RGS6: variants seen among roughly 807,000 people sequenced by gnomAD.
RGS6 encodes regulator of G protein signaling 6.
In RGS6, 30 loss-of-function variants were observed where a neutral mutation model predicts 78.5. The ratio of observed to expected loss-of-function variants is 0.38; its 90% CI spans 0.29 to 0.52. The LOEUF (loss-of-function observed/expected upper bound fraction) is 0.52, where lower values mean the gene tolerates loss of function less well. Among genes scored for constraint, RGS6 ranks in the 20% least tolerant of loss-of-function variants. The pLI is 0.85. For missense variants in RGS6, 495 were observed against 609.7 expected (o/e 0.81, Z 1.98); for synonymous variants, 206 against 206.0 (o/e 1.00, Z 0.00).
chr14:72,420,554 C>T (rs377625062), intron 3 of RGS6, among the ~76,000 whole-genome samples: 5 of 151,950 alleles, frequency 3.3e-5, no homozygotes, highest in Non-Finnish European at 7.4e-5. Flanking sequence ...CTTTAATAAA[C>T]GTAAAACTTT....
chr14:72,488,506 T>C (rs1341724182), intron 12 of RGS6, among the ~76,000 whole-genome samples: 1 of 152,212 alleles, frequency 6.6e-6, no homozygotes, highest in Non-Finnish European at 1.5e-5. Context: ...CTAATGATAT[T>C]CCAGGATTTT....
At chr14:72,137,650 A>G (rs1260880950) in intron 2 of RGS6, among the ~76,000 whole-genome samples, 1 of 152,222 alleles carries the variant, frequency 6.6e-6, no homozygotes, top group Admixed American at 6.5e-5. Flanking sequence ...TTTTTTAAAG[A>G]TACAAGTGGA....
intron 2 of RGS6, among the ~76,000 whole-genome samples, chr14:72,158,263 C>T (rs1050183945): frequency 2.6e-5 from 4 of 152,178 alleles, no homozygotes; most frequent in Non-Finnish European, 5.9e-5. Context: ...TCACCCTCTT[C>T]CCTGTCTCTT....
the RGS6 span, among the ~76,000 whole-genome samples, chr14:72,612,808 C>G: frequency 6.6e-6 from 1 of 152,202 alleles, no homozygotes; most frequent in African/African-American, 2.4e-5. Context: ...GGAGAGAGGT[C>G]GCGGAGCCAG....
chr14:72,254,204 T>C (rs2056541408), intron 2 of RGS6, among the ~76,000 whole-genome samples: 1 of 152,200 alleles, frequency 6.6e-6, no homozygotes, highest in Non-Finnish European at 1.5e-5. Flanking sequence ...CTAAAATCTG[T>C]TAATAGTTTG....
intron 17 of RGS6, chr14:72,540,508 C>T: frequency 6.5e-7 from 1 of 1,542,708 alleles, no homozygotes. Flanking sequence ...AAAAAAAAGC[C>T]AAAATTTCCC....
At chr14:72,499,524 G>A (rs979454938) in intron 13 of RGS6, among the ~76,000 whole-genome samples, 3 of 152,172 alleles carry the variant, frequency 2.0e-5, no homozygotes, top group Non-Finnish European at 2.9e-5. Context: ...CACTGGAATC[G>A]TAGGCTGCTG....
chr14:72,246,450 T>C (rs540023119), intron 2 of RGS6, among the ~76,000 whole-genome samples: 1 of 152,334 alleles, frequency 6.6e-6, no homozygotes, highest in African/African-American at 2.4e-5. Flanking sequence ...CCTTCTCCCT[T>C]AAAATAAATA....
intron 2 of RGS6, among the ~76,000 whole-genome samples, chr14:72,042,013 A>G (rs1244535218): frequency 6.6e-6 from 1 of 152,174 alleles, no homozygotes. Flanking sequence ...AGATTAGAGT[A>G]ACATATTTTT....
intron 2 of RGS6, among the ~76,000 whole-genome samples, chr14:72,000,032 T>A (rs563652253): frequency 6.6e-6 from 1 of 152,182 alleles, no homozygotes; most frequent in South Asian, 2.1e-4. Context: ...TTAGTGGAGA[T>A]AAGACTGGAT....
At chr14:72,496,954 A>G (rs562329766) in intron 13 of RGS6, among the ~76,000 whole-genome samples, 122 of 152,290 alleles carry the variant, frequency 8.0e-4, no homozygotes, top group African/African-American at 2.6e-3. Context: ...ATAGCTACAT[A>G]CTATCCCCTG....
chr14:72,578,327 G>T, the RGS6 span, among the ~76,000 whole-genome samples: 2 of 152,088 alleles, frequency 1.3e-5, no homozygotes, highest in African/African-American at 4.8e-5. Context: ...AAGAGCCTAG[G>T]AGGCAACCTC....
chr14:72,230,553 C>T (rs2049293354), intron 2 of RGS6, among the ~76,000 whole-genome samples: 1 of 152,088 alleles, frequency 6.6e-6, no homozygotes. Context: ...TCTCCAGAGA[C>T]ACAGTAGGAT....
At chr14:72,086,466 T>C (rs867779596) in intron 2 of RGS6, among the ~76,000 whole-genome samples, 1 of 152,220 alleles carries the variant, frequency 6.6e-6, no homozygotes, top group South Asian at 2.1e-4. Context: ...ACCTTGAAAA[T>C]AATCGCAGTG....
At chr14:72,547,443 T>C in intron 17 of RGS6, 1 of 850,306 alleles carries the variant, frequency 1.2e-6, no homozygotes, top group Non-Finnish European at 1.8e-6. Context: ...TGCTTCCCCC[T>C]TTTAAAATAG....
At chr14:71,964,697 T>C (rs561493213) in intron 1 of RGS6, 75 bp from the exon 2 acceptor site, 49 of 1,020,758 alleles carry the variant, frequency 4.8e-5, no homozygotes, top group Non-Finnish European at 6.7e-5. Flanking sequence ...CAAAAGTTAC[T>C]TAATTCTTTG....
Position 72,031,990 on chromosome 14 carries a change from T to C in RGS6, c.84+67115T>C, listed in dbSNP as rs75538716. Among the ~76,000 whole-genome samples the C allele has an allele frequency of 1.2e-3, 179 of 152,284 alleles. 2 individuals carry two copies. The East Asian group carries it at 0.03, about 26-fold the overall frequency. On this transcript the variant is annotated intron_variant, in intron 2 of 17. Coordinates refer to ENST00000553525, the MANE Select transcript of RGS6 (RefSeq NM_001204424.2). Reference sequence around the variant, plus strand: ...TATAGTCACCATTCCTCCACACTGCTCCTTTTCTGGGGTACTTAAACTAAT... The same window carrying C: ...TATAGTCACCATTCCTCCACACTGCCCCTTTTCTGGGGTACTTAAACTAAT...
chr14:72,053,623 C>T (rs2093460627), intron 2 of RGS6, among the ~76,000 whole-genome samples: 1 of 152,166 alleles, frequency 6.6e-6, no homozygotes, highest in South Asian at 2.1e-4. Flanking sequence ...CCGCTAAGGG[C>T]TATTATGTTT....
intron 2 of RGS6, among the ~76,000 whole-genome samples, chr14:72,026,903 G>A (rs1567047685): frequency 6.6e-6 from 1 of 152,144 alleles, no homozygotes; most frequent in Non-Finnish European, 1.5e-5. Flanking sequence ...TGCTAGGGGG[G>A]GCTACTTTGG....
Sources: gnomAD v4.1 joint callset for allele counts (sites outside exome capture counted in the v4.1 genomes callset) on GRCh38, gnomAD v4.1.1 for gene constraint, MANE v1.5 for transcripts, NCBI Gene and HGNC (gene_info 2026-07-23, HGNC 2026-07-21) for gene names.